The following SLC22A8 variants were observed in gnomAD, a reference collection of about 807,000 sequenced individuals.
SLC22A8 encodes the protein solute carrier family 22 member 8.
SLC22A8 carries 40 observed loss-of-function variants against 48.4 expected under a neutral mutation model. That is an observed-to-expected ratio of 0.83 (90% confidence interval 0.64 to 1.08). The LOEUF is 1.08. Among genes scored for constraint, SLC22A8 ranks in the 50% least tolerant of loss-of-function variants. The pLI is 0.00. For synonymous variants in SLC22A8, 268 were observed against 286.3 expected, an observed-to-expected ratio of 0.94 and a Z score of 0.65; for missense variants, 606 against 699.0, an observed-to-expected ratio of 0.87 and a Z score of 1.50.
rs770889008 is a variant in SLC22A8, at chr11:63,014,931, C to G, written c.28G>C (p.Val10Leu). Reference protein sequence around the residue: MTFSEILDRVGSMGHFQFLH... With the variant: MTFSEILDRLGSMGHFQFLH... ...AACTGGAAATGGCCCATGCTTCCCACACGGTCCAGGATCTCCGAGAAGGTC... is the reference window on the plus strand; with the variant it reads ...AACTGGAAATGGCCCATGCTTCCCAGACGGTCCAGGATCTCCGAGAAGGTC... The change falls in exon 2 of 11, where the codon GTG becomes CTG. Residue 10 changes from valine to leucine, a missense_variant. Physicochemically the swap from Val to Leu is conservative, Grantham distance 32. Coordinates refer to ENST00000336232, the MANE Select transcript of SLC22A8 (RefSeq NM_004254.4). The G allele has an allele frequency of 6.4e-7, 1 of 1,566,200 alleles. No homozygotes were observed. The highest frequency in any genetic ancestry group is 8.7e-7 in the Non-Finnish European group (1 of 1,151,612).
At chr11:62,994,429 A>G (rs1590687252) in intron 8 of SLC22A8, 113 bp downstream of exon 8, 2 of 749,316 alleles carry the variant, frequency 2.7e-6, no homozygotes, top group Middle Eastern at 2.3e-4. Flanking sequence ...CAGAGAGTGC[A>G]GGGACCTGCT....
At chr11:63,005,511 C>T (rs750617226) in intron 2 of SLC22A8, among the ~76,000 whole-genome samples, 5 of 152,108 alleles carry the variant, frequency 3.3e-5, no homozygotes, top group South Asian at 2.1e-4. Context: ...TTTAACTCTT[C>T]GTGGATCAGA....
intron 5 of SLC22A8, among the ~76,000 whole-genome samples, chr11:62,998,333 C>A (rs532544924): frequency 6.6e-6 from 1 of 152,224 alleles, no homozygotes; most frequent in Non-Finnish European, 1.5e-5. Flanking sequence ...AGCTCTCTGC[C>A]CACTCTGGGT....
intron 4 of SLC22A8, 88 bp from the exon 5 acceptor site, chr11:62,999,177 G>T: frequency 8.6e-7 from 1 of 1,165,398 alleles, no homozygotes; most frequent in Non-Finnish European, 1.3e-6. Flanking sequence ...GCATCCCCAC[G>T]GCTACTGACA....
chr11:63,006,905 C>A (rs910731264), intron 2 of SLC22A8, among the ~76,000 whole-genome samples: 1 of 152,050 alleles, frequency 6.6e-6, no homozygotes, highest in Non-Finnish European at 1.5e-5. Context: ...CCGCGCCCAG[C>A]CTTGAGGTTT....
At position 63,014,875 on chromosome 11, in the gene SLC22A8, G is replaced by A. The variant is rs1022866335; in HGVS notation, c.84C>T (p.Ile28=). The part of the protein sequence containing the change: ...FLHVAILGLP[I]LNMANHNLLQ... ...GCAGGTTGTGGTTGGCCATGTTGAG[G>A]ATCGGGAGGCCCAGTATGGCTACAT... The change falls in exon 2 of 11, where the codon ATC becomes ATT. Residue 28 remains isoleucine, a synonymous_variant. Coordinates refer to ENST00000336232, the MANE Select transcript of SLC22A8 (RefSeq NM_004254.4). 6.2e-7 allele frequency: 1 copy of A among 1,609,402 alleles called. No homozygotes were observed. Among genetic ancestry groups the A allele is most frequent in the Admixed American group, 1.7e-5 (1 of 59,798 alleles).
chr11:63,010,512 G>A (rs770210078), intron 2 of SLC22A8, among the ~76,000 whole-genome samples: 11 of 152,300 alleles, frequency 7.2e-5, no homozygotes, highest in Admixed American at 2.6e-4. Context: ...CATGGAACTG[G>A]ACTTGTTATG....
rs747832381 is a variant in SLC22A8, at chr11:63,014,898, C to A, written c.61G>T (p.Val21Leu). The change falls in exon 2 of 11, where the codon GTA becomes TTA. Residue 21 changes from valine to leucine, a missense_variant. Coordinates refer to ENST00000336232, the MANE Select transcript of SLC22A8 (RefSeq NM_004254.4). ...GSMGHFQFLH[V>L]AILGLPILNM... is the part of the protein sequence containing the mutation. ...AGGATCGGGAGGCCCAGTATGGCTA[C>A]ATGCAGGAACTGGAAATGGCCCATG... 6.3e-7 allele frequency: 1 copy of A among 1,591,734 alleles called. No homozygotes were observed. Among genetic ancestry groups the A allele is most frequent in the Admixed American group, 1.7e-5 (1 of 58,774 alleles).
At chr11:63,004,965 G>C (rs2086538349) in intron 2 of SLC22A8, among the ~76,000 whole-genome samples, 1 of 152,162 alleles carries the variant, frequency 6.6e-6, no homozygotes, top group African/African-American at 2.4e-5. Context: ...ATAGTGTCTA[G>C]GCTGTATGTG....
At position 63,014,994 on chromosome 11, in the gene SLC22A8, G is replaced by T; in HGVS notation, c.-25-11C>A. The T allele has an allele frequency of 6.6e-7, 1 of 1,512,394 alleles. No individual in the cohort carries two copies. The allele number at this position is 1,512,394 out of a possible 1,614,324, so 93.7% of individuals were successfully genotyped here. A position where few individuals can be genotyped will look rare whatever the true frequency, so the allele number is the denominator to read the frequency against. ...CAAGACGAGCCAGAGCTGTGGGCAG[G>T]GCATAGGCCAGGGAGAGGTATATTT... is the stretch of plus-strand genomic sequence containing the variant. On this transcript the variant is annotated splice_polypyrimidine_tract_variant and intron_variant, in intron 1 of 10. Coordinates refer to ENST00000336232, the MANE Select transcript of SLC22A8 (RefSeq NM_004254.4).
In SLC22A8 at chr11:63,014,718, T is replaced by C. The variant is rs761618758; in HGVS notation, c.241A>G (p.Asn81Asp). 6.2e-7 allele frequency: 1 copy of C among 1,614,078 alleles called. No individual in the cohort carries two copies. The change falls in exon 2 of 11, where the codon AAT becomes GAT. Residue 81 changes from asparagine (N) to aspartate (D), a missense_variant. Coordinates refer to ENST00000336232, the MANE Select transcript of SLC22A8 (RefSeq NM_004254.4). ...TGGGTGTCATTGGGCAGGCTGGCAT[T>C]GGGCGGATGTACAAAACGGAGGCAC... The part of the protein sequence containing the change: ...ERCLRFVHPP[N>D]ASLPNDTQRA...
chr11:62,996,834 G>A (rs2086426724), intron 5 of SLC22A8, among the ~76,000 whole-genome samples: 1 of 152,390 alleles, frequency 6.6e-6, no homozygotes, highest in Middle Eastern at 3.4e-3. Context: ...AAAGGAAGAG[G>A]TTGAGATGTG....
intron 7 of SLC22A8, 41 bp downstream of exon 7, chr11:62,995,663 C>T (rs1193792274): frequency 6.9e-7 from 1 of 1,452,376 alleles, no homozygotes; most frequent in Non-Finnish European, 9.7e-7. Flanking sequence ...TTGTCTATCA[C>T]CCCTTCCTTG....
intron 2 of SLC22A8, among the ~76,000 whole-genome samples, chr11:63,001,563 C>T (rs116193168): frequency 4.4e-4 from 67 of 152,322 alleles, no homozygotes; most frequent in African/African-American, 1.6e-3. Flanking sequence ...CTGATCTCGC[C>T]CTCCGTCAGG....
intron 2 of SLC22A8, among the ~76,000 whole-genome samples, chr11:63,012,592 C>T (rs2086631698): frequency 6.6e-6 from 1 of 152,186 alleles, no homozygotes; most frequent in South Asian, 2.1e-4. Flanking sequence ...ATAACCCTCC[C>T]CTGGGCCTCA....
rs961343639 is a variant in SLC22A8 at position 62,993,539 on chromosome 11, AG to A, written c.1413del (p.Phe472SerfsTer25). ...ATCCCGTAGATGATATTGGGGATGAAGGGCTGTACCTCACCCGTGATTTTCA... is the reference window on the plus strand; with the variant it reads ...ATCCCGTAGATGATATTGGGGATGAAGGCTGTACCTCACCCGTGATTTTCA... ...PLVKITGEVQ[P>X]FIPNIIYGIT... On this transcript the variant is annotated frameshift_variant, in exon 10 of 11. Transcript: ENST00000336232. LOFTEE classifies it high-confidence loss of function. 1 of 1,614,184 alleles carries A rather than the reference AG, an allele frequency of 6.2e-7. No individual in the cohort carries two copies. The highest frequency in any genetic ancestry group is 8.5e-7 in the Non-Finnish European group (1 of 1,180,014).
chr11:63,011,092 T>C (rs1565302267), intron 2 of SLC22A8, among the ~76,000 whole-genome samples: 1 of 152,208 alleles, frequency 6.6e-6, no homozygotes, highest in Non-Finnish European at 1.5e-5. Context: ...GGATCTGTGA[T>C]GTCCCTGGGC....
At chr11:63,011,246 C>T (rs2086616218) in intron 2 of SLC22A8, among the ~76,000 whole-genome samples, 1 of 152,226 alleles carries the variant, frequency 6.6e-6, no homozygotes, top group Non-Finnish European at 1.5e-5. Flanking sequence ...TGACCTGTCC[C>T]TCAGTTTCCT....
chr11:63,006,623 T>TTTTTTTTTG lies in SLC22A8; in HGVS notation c.334-5801_334-5800insCAAAAAAAA, dbSNP rs1317151675. On this transcript the variant is annotated intron_variant, in intron 2 of 10. Transcript: ENST00000336232. ...TTTTTTTTTTTTTTTTTTTTTTTTT[T>TTTTTTTTTG]TTGAGACAGAGTCTTGCTCTGTTAC... 9.3e-4 allele frequency among the ~76,000 whole-genome samples: 119 copies of TTTTTTTTTG among 127,852 alleles called. 6 individuals are homozygous for TTTTTTTTTG. The highest frequency in any genetic ancestry group is 3.9e-3 in the African/African-American group (113 of 28,742). The allele number at this position is 127,852 out of a possible 152,430, so 83.9% of individuals were successfully genotyped here.
Sources: gnomAD v4.1 joint callset for allele counts (sites outside exome capture counted in the v4.1 genomes callset) on GRCh38, gnomAD v4.1.1 for gene constraint, MANE v1.5 for transcripts, NCBI Gene and HGNC (gene_info 2026-07-23, HGNC 2026-07-21) for gene names.